The following NCAPG2 variants were observed in gnomAD, a reference collection of about 807,000 sequenced individuals.
NCAPG2 encodes condensin-2 complex subunit G2.
A neutral mutation model predicts 141.1 loss-of-function variants in NCAPG2; 53 were observed. The observed-to-expected ratio is 0.38, with a 90% CI of 0.30 to 0.47. NCAPG2 has a LOEUF of 0.47. Ranked by LOEUF, NCAPG2 falls within the 20% of genes least tolerant of loss-of-function variation. The probability of loss-of-function intolerance (pLI) is 0.99; values close to 1 mark genes in which losing one functional copy is unlikely to be tolerated. For missense variants in NCAPG2, 1,087 were observed against 1,389.0 expected, an observed-to-expected ratio of 0.78 and a Z score of 3.46; for synonymous variants, 499 against 490.7, an observed-to-expected ratio of 1.02 and a Z score of -0.22.
chr7:158,647,017 C>A (rs1449365553), intron 24 of NCAPG2, among the ~76,000 whole-genome samples: 2 of 150,938 alleles, frequency 1.3e-5, no homozygotes, highest in Non-Finnish European at 2.9e-5. Flanking sequence ...AGAGCGACAT[C>A]CTGTCTCAAT....
At chr7:158,674,754 G>A (rs915737536) in intron 12 of NCAPG2, among the ~76,000 whole-genome samples, 2 of 152,234 alleles carry the variant, frequency 1.3e-5, no homozygotes, top group Admixed American at 1.3e-4. Context: ...TTGTGCTCAG[G>A]GGAGTCAGAG....
chr7:158,669,380 CCCA>C (rs1406948390), intron 13 of NCAPG2, among the ~76,000 whole-genome samples: 5 of 152,196 alleles, frequency 3.3e-5, no homozygotes, highest in Admixed American at 2.6e-4. Context: ...AATTTACACT[CCCA>C]CCAACAGTGT....
chr7:158,638,524 G>A (rs1482879278), intron 27 of NCAPG2, among the ~76,000 whole-genome samples: 1 of 152,134 alleles, frequency 6.6e-6, no homozygotes, highest in Non-Finnish European at 1.5e-5. Flanking sequence ...ACAGACGCGA[G>A]CCACCATGCC....
intron 9 of NCAPG2, among the ~76,000 whole-genome samples, chr7:158,682,994 C>G (rs1230520586): frequency 6.6e-6 from 1 of 151,728 alleles, no homozygotes; most frequent in Non-Finnish European, 1.5e-5. Context: ...TTTCAAATAC[C>G]CTCTAGGATC....
intron 2 of NCAPG2, among the ~76,000 whole-genome samples, chr7:158,699,322 A>G (rs772983811): frequency 1.3e-5 from 2 of 152,218 alleles, no homozygotes; most frequent in Non-Finnish European, 2.9e-5. Context: ...CAGTATAATC[A>G]GCTCCACTCT....
chr7:158,698,365 G>A (rs144730823), intron 2 of NCAPG2, among the ~76,000 whole-genome samples: 2 of 152,314 alleles, frequency 1.3e-5, no homozygotes, highest in Admixed American at 6.5e-5. Context: ...TATTCACCCA[G>A]AACAACTTCC....
intron 6 of NCAPG2, among the ~76,000 whole-genome samples, chr7:158,688,631 G>A (rs548784966): frequency 6.6e-6 from 1 of 152,314 alleles, no homozygotes; most frequent in Middle Eastern, 3.4e-3. Flanking sequence ...CTGGGCTGCG[G>A]TTTGATACAT....
At chr7:158,661,921 T>C (rs1165654944) in intron 16 of NCAPG2, among the ~76,000 whole-genome samples, 2 of 152,196 alleles carry the variant, frequency 1.3e-5, no homozygotes, top group African/African-American at 2.4e-5. Flanking sequence ...TCTGAAATAA[T>C]GTCGCTGACC....
At position 158,686,282 on chromosome 7, in the gene NCAPG2, G is replaced by A. The variant is rs1834750280; in HGVS notation, c.768-41C>T. ...AAAATAGTTTTAATGCAAATTTTAAGAATTATTCTTTCAACATGTATCATT... is the reference window on the plus strand; with the variant it reads ...AAAATAGTTTTAATGCAAATTTTAAAAATTATTCTTTCAACATGTATCATT... On this transcript the variant is annotated intron_variant, in intron 7 of 27. Coordinates refer to ENST00000356309, the MANE Select transcript of NCAPG2 (RefSeq NM_017760.7). 2.5e-6 allele frequency: 3 copies of A among 1,206,294 alleles called. No homozygotes were observed. The South Asian group carries it at 4.4e-5, about 18-fold the overall frequency. The allele number at this position is 1,206,294 out of a possible 1,614,324, so 74.7% of individuals were successfully genotyped here.
chr7:158,654,879 T>C (rs1445782025), intron 21 of NCAPG2, 185 bp from the exon 22 acceptor site: 2 of 1,234,550 alleles, frequency 1.6e-6, no homozygotes, highest in Non-Finnish European at 2.1e-6. Flanking sequence ...TCTAGAGACA[T>C]ATTTTATGTA....
intron 27 of NCAPG2, among the ~76,000 whole-genome samples, chr7:158,632,436 C>G (rs1829953450): frequency 1.3e-5 from 2 of 152,232 alleles, no homozygotes; most frequent in Admixed American, 1.3e-4. Flanking sequence ...ACAACTCCTG[C>G]ATGGCTCCAA....
At chr7:158,658,569 T>A (rs1832206855) in intron 16 of NCAPG2, among the ~76,000 whole-genome samples, 161 bp from the exon 17 acceptor site, 1 of 152,220 alleles carries the variant, frequency 6.6e-6, no homozygotes, top group African/African-American at 2.4e-5. Flanking sequence ...CAGCCTCATG[T>A]TTGAGGGGCA....
At position 158,650,833 on chromosome 7, in the gene NCAPG2, T is replaced by C. The variant is rs1457537082; in HGVS notation, c.3074A>G (p.Lys1025Arg). ...AGTTTCAGGATTAAAGCACTTCACC[T>C]TCCGTAGCTGGTGACTTATCTCAAC... ...PVVEISHQLR[K>R]VSDVEELTPP... The change falls in exon 24 of 28, where the codon AAG (lysine) becomes AGG (arginine). Residue 1025 changes from lysine to arginine, a missense_variant and splice_region_variant. Coordinates refer to ENST00000356309, the MANE Select transcript of NCAPG2 (RefSeq NM_017760.7). The C allele has an allele frequency of 1.2e-5, 19 of 1,610,004 alleles. No homozygotes were observed. The highest frequency in any genetic ancestry group is 1.7e-5 in the Admixed American group (1 of 58,752).
At chr7:158,704,096 T>C (rs1319287898) in intron 1 of NCAPG2, among the ~76,000 whole-genome samples, 380 of 43,070 alleles carry the variant, frequency 8.8e-3, no homozygotes, top group Middle Eastern at 0.052. Context: ...TCTCTGAGGG[T>C]AGTGCCCATG....
chr7:158,655,742 G>GCCCTGCACGCAGCACCACCCGGCCCCTC (rs1405727341), intron 19 of NCAPG2, among the ~76,000 whole-genome samples: 1 of 151,832 alleles, frequency 6.6e-6, no homozygotes, highest in Non-Finnish European at 1.5e-5. Flanking sequence ...CTCCCCATCT[G>GCCCTGCACGCAGCACCACCCGGCCCCTC]CCTGGCTCCA....
rs1350531843 is a variant in NCAPG2 at position 158,689,964 on chromosome 7, C to A, written c.538-11G>T. ...ACATACGTCTGCACCCTAGGAATGACACAAAAAATGTGATACCTTTTTCAA... is the reference window on the plus strand; with the variant it reads ...ACATACGTCTGCACCCTAGGAATGAAACAAAAAATGTGATACCTTTTTCAA... On this transcript the variant is annotated splice_polypyrimidine_tract_variant and intron_variant, in intron 5 of 27. Transcript: ENST00000356309. 3 of 1,485,616 alleles carry A rather than the reference C, an allele frequency of 2.0e-6. No individual in the cohort carries two copies. The highest frequency in any genetic ancestry group is 2.9e-5 in the African/African-American group (2 of 69,334). 92.0% of individuals were successfully genotyped at this position (1,485,616 alleles called of 1,614,324 possible).
chr7:158,651,094 T>G (rs534072154), intron 23 of NCAPG2, 122 bp from the exon 24 acceptor site: 182 of 1,060,758 alleles, frequency 1.7e-4, no homozygotes, highest in Non-Finnish European at 2.3e-4. Context: ...GTCACTGATC[T>G]TGTTTGCCTG....
rs557375959 is a variant in NCAPG2, at chr7:158,637,109, G to A, written c.3381-5392C>T. Among the ~76,000 whole-genome samples, 24 of 151,980 alleles carry A rather than the reference G, an allele frequency of 1.6e-4. 1 individual carries two copies. In the Middle Eastern group the frequency reaches 0.01, roughly 65 times the overall value. On this transcript the variant is annotated intron_variant, in intron 27 of 27. Transcript: ENST00000356309. ...ACTACAGGCGCCCGCCACCATGCCC[G>A]GCTAATTTTTTATATTTTTAGTAGA...
chr7:158,700,574 T>A (rs1835717680), intron 2 of NCAPG2, among the ~76,000 whole-genome samples: 1 of 152,050 alleles, frequency 6.6e-6, no homozygotes, highest in African/African-American at 2.4e-5. Context: ...ATATATTATC[T>A]AACTAATTTG....
Sources: allele counts gnomAD v4.1 joint callset (sites outside exome capture counted in the v4.1 genomes callset), GRCh38; gene constraint gnomAD v4.1.1; transcripts MANE v1.5; gene names NCBI Gene and HGNC (gene_info 2026-07-23, HGNC 2026-07-21).